Variants in ASB18 observed in about 807,000 individuals in gnomAD.
The protein encoded by ASB18 is ankyrin repeat and SOCS box protein 18.
Under a neutral mutation model 33.4 loss-of-function variants are expected in ASB18, and 33 were observed. That is an observed-to-expected ratio of 0.99 (90% CI 0.75 to 1.32). The LOEUF (loss-of-function observed/expected upper bound fraction) is 1.32, where lower values mean the gene tolerates loss of function less well. Ranked by LOEUF, ASB18 falls within the 40% of genes most tolerant of loss-of-function variation. The pLI, the probability that ASB18 is intolerant of heterozygous loss-of-function variation, is 0.00. For synonymous variants in ASB18, 295 were observed against 307.6 expected, an observed-to-expected ratio of 0.96 and a Z score of 0.43; for missense variants, 694 against 655.5, an observed-to-expected ratio of 1.06 and a Z score of -0.64.
chr2:236,224,523 G>A (rs2060528054), intron 3 of ASB18, among the ~76,000 whole-genome samples: 1 of 152,064 alleles, frequency 6.6e-6, no homozygotes, highest in African/African-American at 2.4e-5. Context: ...CCAGAGATAA[G>A]TGGAGCTACT....
chr2:236,195,145 G>C lies in ASB18; in HGVS notation c.1216-88C>G, dbSNP rs546084564. 1 of 1,293,810 alleles carries C rather than the reference G, an allele frequency of 7.7e-7. No homozygotes were observed. The highest frequency in any genetic ancestry group is 1.1e-6 in the Non-Finnish European group (1 of 940,124). 80.1% of individuals were successfully genotyped at this position (1,293,810 alleles called of 1,614,324 possible). A position where few individuals can be genotyped will look rare whatever the true frequency, so the allele number is the denominator to read the frequency against. On this transcript the variant is annotated intron_variant, in intron 5 of 5. Coordinates refer to ENST00000409749, the MANE Select transcript of ASB18 (RefSeq NM_212556.4). This position sits in a 1 kb window ranked among gnomAD's most constrained non-coding sequence, Gnocchi z 5.5. ...TAGCCAGACCACTGATGGTACAAGC[G>C]GGCTTTTCTATGGCTAACTGATCCC...
rs1576407558 is a variant in ASB18, at chr2:236,239,616, G to C, written c.329-1660C>G. ...ATGTGGTGTGTCCCTCTAAGCATCA[G>C]CTCCCCCATGTCAGTGCTCTCTATG... On this transcript the variant is annotated intron_variant, in intron 2 of 5. Transcript: ENST00000409749. This position sits in a 1 kb window ranked among gnomAD's most constrained non-coding sequence, Gnocchi z 5.6. Among the ~76,000 whole-genome samples the C allele has an allele frequency of 6.6e-6, 1 of 152,168 alleles. No individual in the cohort carries two copies. Among genetic ancestry groups the C allele is most frequent in the East Asian group, 1.9e-4 (1 of 5,180 alleles).
intron 4 of ASB18, among the ~76,000 whole-genome samples, chr2:236,207,797 G>C (rs2060441327): frequency 6.6e-6 from 1 of 150,842 alleles, no homozygotes; most frequent in Non-Finnish European, 1.5e-5. Flanking sequence ...GGCTTCACAG[G>C]CTTCCCCCAC....
At chr2:236,243,180 A>G (rs547050554) in intron 1 of ASB18, among the ~76,000 whole-genome samples, 28 of 151,844 alleles carry the variant, frequency 1.8e-4, no homozygotes, top group Admixed American at 1.8e-3. Flanking sequence ...AATACAAAAA[A>G]TTAGCTGGGT....
In ASB18 at chr2:236,214,915, A is replaced by G. The variant is rs1183600739; in HGVS notation, c.597-49T>C. 8.4e-6 allele frequency: 10 copies of G among 1,193,306 alleles called. No homozygotes were observed. The highest frequency in any genetic ancestry group is 1.0e-5 in the Non-Finnish European group (10 of 963,394). 73.9% of individuals were successfully genotyped at this position (1,193,306 alleles called of 1,614,324 possible). On this transcript the variant is annotated intron_variant, in intron 3 of 5. Coordinates refer to ENST00000409749, the MANE Select transcript of ASB18 (RefSeq NM_212556.4). The surrounding 1 kb of genome is among the most constrained non-coding windows in gnomAD (Gnocchi z 6.5). ...CTCGGGCGCCACGCAGGACGCCCGC[A>G]CCCTTCCACCCCCGGCCTGCTGCTG...
In ASB18 at chr2:236,253,043, G is replaced by A. The variant is rs1559338821; in HGVS notation, c.205+11098C>T. On this transcript the variant is annotated intron_variant, in intron 1 of 5. Coordinates refer to ENST00000409749, the MANE Select transcript of ASB18 (RefSeq NM_212556.4). This position sits in a 1 kb window ranked among gnomAD's most constrained non-coding sequence, Gnocchi z 5.4. ...CCTGGGGTCAGCCAAGGCATGGTTA[G>A]GTGGCGTCAAGGATCCCCACCGTCC... 2.0e-5 allele frequency among the ~76,000 whole-genome samples: 3 copies of A among 152,198 alleles called. No homozygotes were observed. Among genetic ancestry groups the A allele is most frequent in the Non-Finnish European group, 4.4e-5 (3 of 68,036 alleles).
Position 236,234,786 on chromosome 2 carries a change from T to C in ASB18, c.596+2903A>G, listed in dbSNP as rs1166368340. Among the ~76,000 whole-genome samples the C allele has an allele frequency of 2.0e-5, 3 of 152,148 alleles. No homozygotes were observed. The highest frequency in any genetic ancestry group is 7.2e-5 in the African/African-American group (3 of 41,436). On this transcript the variant is annotated intron_variant, in intron 3 of 5. Coordinates refer to ENST00000409749, the MANE Select transcript of ASB18 (RefSeq NM_212556.4). This position sits in a 1 kb window ranked among gnomAD's most constrained non-coding sequence, Gnocchi z 4.1. Reference sequence around the variant, plus strand: ...CCCTACCTCACATCATATTCAGAAATGAACTCAAAATGGATCACAGACTTA... The same window carrying C: ...CCCTACCTCACATCATATTCAGAAACGAACTCAAAATGGATCACAGACTTA...
At chr2:236,243,900 C>T (rs1244769097) in intron 1 of ASB18, among the ~76,000 whole-genome samples, 1 of 152,068 alleles carries the variant, frequency 6.6e-6, no homozygotes, top group African/African-American at 2.4e-5. Flanking sequence ...GATCTCTGCT[C>T]ACTGCAACCT....
rs2060555239 is a variant in ASB18, at chr2:236,229,455, T to G, written c.596+8234A>C. 6.6e-6 allele frequency among the ~76,000 whole-genome samples: 1 copy of G among 152,086 alleles called. No individual in the cohort carries two copies. Among genetic ancestry groups the G allele is most frequent in the Admixed American group, 6.6e-5 (1 of 15,256 alleles). The stretch of plus-strand genomic sequence containing the variant: ...GTACTGGTTGTATAGAAAAAAAATG[T>G]GAAGAAATAATTGCCAAAATATTTC... On this transcript the variant is annotated intron_variant, in intron 3 of 5. Coordinates refer to ENST00000409749, the MANE Select transcript of ASB18 (RefSeq NM_212556.4). This position sits in a 1 kb window ranked among gnomAD's most constrained non-coding sequence, Gnocchi z 5.2.
chr2:236,216,726 G>A lies in ASB18; in HGVS notation c.597-1860C>T, dbSNP rs903961857. Among the ~76,000 whole-genome samples the A allele has an allele frequency of 5.3e-5, 8 of 152,122 alleles. No homozygotes were observed. Among genetic ancestry groups the A allele is most frequent in the African/African-American group, 1.9e-4 (8 of 41,438 alleles). On this transcript the variant is annotated intron_variant, in intron 3 of 5. Coordinates refer to ENST00000409749, the MANE Select transcript of ASB18 (RefSeq NM_212556.4). The surrounding 1 kb of genome is among the most constrained non-coding windows in gnomAD (Gnocchi z 6.1). Reference sequence around the variant, plus strand: ...GCAAACTGCATACTATCTGGAAAGAGCCTTTCCAGTGCCAATCAAATGTGC... The same window carrying A: ...GCAAACTGCATACTATCTGGAAAGAACCTTTCCAGTGCCAATCAAATGTGC...
In ASB18 at chr2:236,209,009, T is replaced by C. The variant is rs72974800; in HGVS notation, c.1101+5353A>G. On this transcript the variant is annotated intron_variant, in intron 4 of 5. Transcript: ENST00000409749. The surrounding 1 kb of genome is among the most constrained non-coding windows in gnomAD (Gnocchi z 4.4). ...AGCAAGAAAAACACAGGCGCCCTAC[T>C]TATGATCTCCCCTCTCTCCTCCCAC... is the stretch of plus-strand genomic sequence containing the variant. 1.3e-5 allele frequency among the ~76,000 whole-genome samples: 2 copies of C among 152,110 alleles called. No individual in the cohort carries two copies. Among genetic ancestry groups the C allele is most frequent in the Non-Finnish European group, 2.9e-5 (2 of 67,982 alleles).
intron 1 of ASB18, among the ~76,000 whole-genome samples, chr2:236,258,341 A>G (rs1313633680): frequency 6.6e-6 from 1 of 152,206 alleles, no homozygotes; most frequent in Non-Finnish European, 1.5e-5. Flanking sequence ...AGACCAATCC[A>G]TTTTTGAAAA....
chr2:236,234,087 G>A lies in ASB18; in HGVS notation c.596+3602C>T, dbSNP rs774843437. On this transcript the variant is annotated intron_variant, in intron 3 of 5. Transcript: ENST00000409749. The surrounding 1 kb of genome is among the most constrained non-coding windows in gnomAD (Gnocchi z 4.1). Reference sequence around the variant, plus strand: ...AAACAGAATAGAGATGAAGGGGGATGGCTCTGCCATGGCACCTTGGTGACC... The same window carrying A: ...AAACAGAATAGAGATGAAGGGGGATAGCTCTGCCATGGCACCTTGGTGACC... Among the ~76,000 whole-genome samples, 1 of 152,224 alleles carries A rather than the reference G, an allele frequency of 6.6e-6. No individual in the cohort carries two copies. The highest frequency in any genetic ancestry group is 1.5e-5 in the Non-Finnish European group (1 of 68,038).
Position 236,216,493 on chromosome 2 carries a change from T to A in ASB18, c.597-1627A>T, listed in dbSNP as rs536760563. Among the ~76,000 whole-genome samples, 1 of 152,206 alleles carries A rather than the reference T, an allele frequency of 6.6e-6. No individual in the cohort carries two copies. The highest frequency in any genetic ancestry group is 6.5e-5 in the Admixed American group (1 of 15,284). ...ATCTTGGCCCAGAGTTAGTCGTCTT[T>A]GGCTTATTTGGGGTCTTGCTCTAGA... On this transcript the variant is annotated intron_variant, in intron 3 of 5. Coordinates refer to ENST00000409749, the MANE Select transcript of ASB18 (RefSeq NM_212556.4). The surrounding 1 kb of genome is among the most constrained non-coding windows in gnomAD (Gnocchi z 6.1).
chr2:236,243,455 G>C (rs1288469263), intron 1 of ASB18, among the ~76,000 whole-genome samples: 6 of 152,092 alleles, frequency 3.9e-5, no homozygotes, highest in Non-Finnish European at 8.8e-5. Context: ...GTGATGAGCA[G>C]ATGTGTGTTC....
Position 236,260,743 on chromosome 2 carries a change from T to A in ASB18, c.205+3398A>T, listed in dbSNP as rs2060713750. 6.6e-6 allele frequency among the ~76,000 whole-genome samples: 1 copy of A among 152,170 alleles called. No homozygotes were observed. The highest frequency in any genetic ancestry group is 1.5e-5 in the Non-Finnish European group (1 of 68,042). On this transcript the variant is annotated intron_variant, in intron 1 of 5. Transcript: ENST00000409749. This position sits in a 1 kb window ranked among gnomAD's most constrained non-coding sequence, Gnocchi z 5.1. ...TTGTCAGCAGACATGAAAGTGAGGT[T>A]CTGGGTTGAGATGAGAAACCGTGCC...
In ASB18 at chr2:236,248,463, C is replaced by G; in HGVS notation, c.206-7061G>C. 6.6e-6 allele frequency: 1 copy of G among 152,294 alleles called. No homozygotes were observed. Among genetic ancestry groups the G allele is most frequent in the Non-Finnish European group, 1.5e-5 (1 of 68,110 alleles). The allele number at this position is 152,294 out of a possible 1,614,324, so 9.4% of individuals were successfully genotyped here. On this transcript the variant is annotated intron_variant, in intron 1 of 5. Transcript: ENST00000409749. The surrounding 1 kb of genome is among the most constrained non-coding windows in gnomAD (Gnocchi z 4.9). Reference sequence around the variant, plus strand: ...CAAAAATTAGCTGGGCAAGGTGGCGCACGCCTGTAGTCCCAGCTTCTTGGG... The same window carrying G: ...CAAAAATTAGCTGGGCAAGGTGGCGGACGCCTGTAGTCCCAGCTTCTTGGG...
At position 236,221,102 on chromosome 2, in the gene ASB18, C is replaced by T. The variant is rs1052792481; in HGVS notation, c.597-6236G>A. 8.5e-5 allele frequency among the ~76,000 whole-genome samples: 13 copies of T among 152,052 alleles called. No homozygotes were observed. Among genetic ancestry groups the T allele is most frequent in the East Asian group, 7.7e-4 (4 of 5,192 alleles). The stretch of plus-strand genomic sequence containing the variant: ...AAGCAGTGGTCTAAAGGGCAGGGCC[C>T]GGCAGAGGATGGTGGCCTTGCAGTC... On this transcript the variant is annotated intron_variant, in intron 3 of 5. Coordinates refer to ENST00000409749, the MANE Select transcript of ASB18 (RefSeq NM_212556.4). This position sits in a 1 kb window ranked among gnomAD's most constrained non-coding sequence, Gnocchi z 5.6.
At position 236,249,172 on chromosome 2, in the gene ASB18, T is replaced by C. The variant is rs1345682548; in HGVS notation, c.206-7770A>G. The C allele has an allele frequency of 6.6e-6, 1 of 152,230 alleles. No individual in the cohort carries two copies. 9.4% of individuals were successfully genotyped at this position (152,230 alleles called of 1,614,324 possible). A position where few individuals can be genotyped will look rare whatever the true frequency, so the allele number is the denominator to read the frequency against. On this transcript the variant is annotated intron_variant, in intron 1 of 5. Transcript: ENST00000409749. This position sits in a 1 kb window ranked among gnomAD's most constrained non-coding sequence, Gnocchi z 4.6. ...TTTCTCATTGGGACTCTTGGCTTTG[T>C]AGAACTGAGAGTCCCTCTGAGAACT... is the stretch of plus-strand genomic sequence containing the variant.
Sources: allele counts gnomAD v4.1 joint callset (sites outside exome capture counted in the v4.1 genomes callset), GRCh38; gene constraint gnomAD v4.1.1; non-coding constraint Gnocchi (gnomAD v3.1); transcripts MANE v1.5; gene names NCBI Gene and HGNC (gene_info 2026-07-23, HGNC 2026-07-21).